FUT8: variants seen among roughly 807,000 people sequenced by gnomAD.
The protein encoded by FUT8 is fucosyltransferase 8, also known as alpha-(1,6)-fucosyltransferase.
A neutral mutation model predicts 71.3 loss-of-function variants in FUT8; 29 were observed. The ratio of observed to expected loss-of-function variants is 0.41; its 90% CI spans 0.30 to 0.55. The LOEUF is 0.55. FUT8 is among the 20% of genes least tolerant of loss of function. FUT8 has a pLI of 0.34. For synonymous variants in FUT8, 254 were observed against 239.3 expected, an observed-to-expected ratio of 1.06 and a Z score of -0.57; for missense variants, 544 against 702.1, an observed-to-expected ratio of 0.77 and a Z score of 2.55.
At position 65,467,934 on chromosome 14, in the gene FUT8, GCTTCTTT is replaced by G. The variant is rs572392410; in HGVS notation, c.-228+12220_-228+12226del. ...TAGAACCCGGGTACCTTTCTCTTTGGCTTCTTTCTTTTTCCGATCATTTTCCTTTACG... is the reference window on the plus strand; with the variant it reads ...TAGAACCCGGGTACCTTTCTCTTTGGCTTTTTCCGATCATTTTCCTTTACG... On this transcript the variant is annotated intron_variant, in intron 2 of 10. Transcript: ENST00000673929. The surrounding 1 kb of genome is among the most constrained non-coding windows in gnomAD (Gnocchi z 4.1). 3.6e-5 allele frequency: 27 copies of G among 742,478 alleles called. No individual in the cohort carries two copies. The highest frequency in any genetic ancestry group is 3.6e-4 in the South Asian group (26 of 73,062). The allele number at this position is 742,478 out of a possible 1,614,324, so 46.0% of individuals were successfully genotyped here.
intron 3 of FUT8, among the ~76,000 whole-genome samples, chr14:65,610,620 C>T (rs1888838000): frequency 6.6e-6 from 1 of 151,842 alleles, no homozygotes; most frequent in South Asian, 2.1e-4. Flanking sequence ...AACTCCCAAC[C>T]TCAGGTGATC....
the FUT8 span, among the ~76,000 whole-genome samples, chr14:65,399,732 A>T: frequency 6.6e-6 from 1 of 152,248 alleles, no homozygotes; most frequent in African/African-American, 2.4e-5. Context: ...GGAAGGAAAA[A>T]GTTAATTAGA....
chr14:65,428,602 A>G (rs75927128), intron 1 of FUT8, among the ~76,000 whole-genome samples: 15,031 of 152,204 alleles, frequency 0.099, 978 homozygotes, highest in East Asian at 0.38. Flanking sequence ...TCAGCAATGA[A>G]CAAATTTGGA....
chr14:65,627,334 G>A lies in FUT8; in HGVS notation c.483-2158G>A, dbSNP rs1439640843. 6.6e-6 allele frequency among the ~76,000 whole-genome samples: 1 copy of A among 152,144 alleles called. No individual in the cohort carries two copies. Among genetic ancestry groups the A allele is most frequent in the Non-Finnish European group, 1.5e-5 (1 of 68,024 alleles). On this transcript the variant is annotated intron_variant, in intron 5 of 10. Coordinates refer to ENST00000673929, the MANE Select transcript of FUT8 (RefSeq NM_001371533.1). This position sits in a 1 kb window ranked among gnomAD's most constrained non-coding sequence, Gnocchi z 4.0. The stretch of plus-strand genomic sequence containing the variant: ...TTGCTTCCTTGGAGGAAATAATTTG[G>A]CCAGGGGAACATAAGGCAGAGTGAG...
chr14:65,398,385 C>T, the FUT8 span, among the ~76,000 whole-genome samples: 14 of 152,122 alleles, frequency 9.2e-5, no homozygotes, highest in East Asian at 7.7e-4. Context: ...AAAAAAATTA[C>T]TTATTTATTT....
At chr14:65,721,247 A>AG (rs1019728985) in intron 7 of FUT8, among the ~76,000 whole-genome samples, 23 of 151,702 alleles carry the variant, frequency 1.5e-4, no homozygotes, top group Non-Finnish European at 1.5e-5. Flanking sequence ...AATAGATTAA[A>AG]AAAAAAAAAG....
chr14:65,559,456 A>G (rs946197087), intron 2 of FUT8, among the ~76,000 whole-genome samples: 4 of 152,122 alleles, frequency 2.6e-5, no homozygotes, highest in African/African-American at 4.8e-5. Flanking sequence ...TGTAAATACT[A>G]TGCCATTTTA....
chr14:65,592,828 C>G (rs1265132215), intron 3 of FUT8, among the ~76,000 whole-genome samples: 1 of 152,250 alleles, frequency 6.6e-6, no homozygotes, highest in East Asian at 1.9e-4. Flanking sequence ...GAAGATACTC[C>G]TCTCTTCTAC....
chr14:65,616,700 G>T (rs1338038077), intron 5 of FUT8, among the ~76,000 whole-genome samples: 2 of 152,178 alleles, frequency 1.3e-5, no homozygotes, highest in Non-Finnish European at 2.9e-5. Flanking sequence ...ATTTGAAGTG[G>T]AGTGTGCAGT....
At chr14:65,693,386 A>C (rs1409720882) in intron 7 of FUT8, among the ~76,000 whole-genome samples, 1 of 152,198 alleles carries the variant, frequency 6.6e-6, no homozygotes, top group Non-Finnish European at 1.5e-5. Flanking sequence ...GCGCGCCTGC[A>C]ATCGCAGGCA....
chr14:65,513,185 TC>T (rs1375260248), intron 2 of FUT8, among the ~76,000 whole-genome samples: 1 of 152,228 alleles, frequency 6.6e-6, no homozygotes, highest in Non-Finnish European at 1.5e-5. Context: ...AGCTATTCTA[TC>T]GACAAAAAGC....
At chr14:65,628,378 T>C (rs570569975) in intron 5 of FUT8, among the ~76,000 whole-genome samples, 1 of 152,190 alleles carries the variant, frequency 6.6e-6, no homozygotes, top group Non-Finnish European at 1.5e-5. Flanking sequence ...TTTGTTGATG[T>C]TGTAACAGGA....
chr14:65,429,342 C>CA (rs1392403549), intron 1 of FUT8, among the ~76,000 whole-genome samples: 1 of 152,118 alleles, frequency 6.6e-6, no homozygotes, highest in Non-Finnish European at 1.5e-5. Flanking sequence ...TGATAACCCA[C>CA]AGAGCAGACA....
At chr14:65,717,042 C>T (rs1420683137) in intron 7 of FUT8, among the ~76,000 whole-genome samples, 41 of 141,262 alleles carry the variant, frequency 2.9e-4, no homozygotes, top group Non-Finnish European at 5.0e-4. Flanking sequence ...ACGGGGTGGC[C>T]GGGCAGAGGT....
chr14:65,698,120 C>T (rs1894090878), intron 7 of FUT8, among the ~76,000 whole-genome samples: 1 of 151,968 alleles, frequency 6.6e-6, no homozygotes, highest in South Asian at 2.1e-4. Context: ...ATATTTATTT[C>T]AATATGAAAT....
At chr14:65,613,206 T>C (rs1889098869) in intron 3 of FUT8, among the ~76,000 whole-genome samples, 1 of 152,168 alleles carries the variant, frequency 6.6e-6, no homozygotes, top group Non-Finnish European at 1.5e-5. Context: ...ATTCCACCAA[T>C]ATTTGAAGAA....
Position 65,669,115 on chromosome 14 carries a change from G to C in FUT8, c.598-128G>C. ...ACTTGGGGTGTATACCAAACCCCAC[G>C]ACACACAATTTATCTATAGAACAAA... is the stretch of plus-strand genomic sequence containing the variant. On this transcript the variant is annotated intron_variant, in intron 6 of 10. Transcript: ENST00000673929. This position sits in a 1 kb window ranked among gnomAD's most constrained non-coding sequence, Gnocchi z 4.5. The C allele has an allele frequency of 3.0e-6, 2 of 674,532 alleles. No homozygotes were observed. The highest frequency in any genetic ancestry group is 5.0e-6 in the Non-Finnish European group (2 of 403,376). 41.8% of individuals were successfully genotyped at this position (674,532 alleles called of 1,614,324 possible). A position where few individuals can be genotyped will look rare whatever the true frequency, so the allele number is the denominator to read the frequency against.
intron 7 of FUT8, among the ~76,000 whole-genome samples, chr14:65,704,005 T>C (rs9323463): frequency 0.013 from 1,971 of 152,334 alleles, 46 homozygotes; most frequent in African/African-American, 0.046. Context: ...GGCCAGAATT[T>C]CTACTTAATA....
intron 7 of FUT8, among the ~76,000 whole-genome samples, chr14:65,709,656 G>A (rs747138817): frequency 2.0e-5 from 3 of 152,132 alleles, no homozygotes; most frequent in Non-Finnish European, 2.9e-5. Flanking sequence ...CTACAGAAGC[G>A]AAATTAATTC....
Sources: gnomAD v4.1 joint callset for allele counts (sites outside exome capture counted in the v4.1 genomes callset) on GRCh38, gnomAD v4.1.1 for gene constraint, Gnocchi (gnomAD v3.1) non-coding constraint, MANE v1.5 for transcripts, NCBI Gene and HGNC (gene_info 2026-07-23, HGNC 2026-07-21) for gene names.